ODAD2: variants seen among roughly 807,000 people sequenced by gnomAD.
ODAD2 encodes the protein outer dynein arm-docking complex subunit 2.
ODAD2 carries 89 observed loss-of-function variants against 106.8 expected under a neutral mutation model. The ratio of observed to expected loss-of-function variants is 0.83; its 90% CI spans 0.70 to 0.99. The LOEUF is 0.99. ODAD2 is among the 50% of genes least tolerant of loss of function. The pLI is 0.00. For synonymous variants in ODAD2, 404 were observed against 436.2 expected (o/e 0.93, Z 0.92); for missense variants, 1,168 against 1,238.5 (o/e 0.94, Z 0.85).
chr10:27,885,533 A>AAAAAAAAAATAT (rs1564465174), intron 17 of ODAD2, among the ~76,000 whole-genome samples: 1 of 14,620 alleles, frequency 6.8e-5, no homozygotes, highest in African/African-American at 2.8e-4. Context: ...AAAAAAAAAA[A>AAAAAAAAAATAT]ATATATATAT....
At chr10:27,935,292 T>A (rs749731316) in intron 15 of ODAD2, 40 bp from the exon 16 acceptor site, 3 of 1,605,978 alleles carry the variant, frequency 1.9e-6, no homozygotes, top group Non-Finnish European at 2.6e-6. Context: ...GGTTTTTGTA[T>A]AAGGTTTGCT....
intron 19 of ODAD2, among the ~76,000 whole-genome samples, chr10:27,834,687 G>C (rs1418292239): frequency 1.3e-5 from 2 of 152,190 alleles, no homozygotes; most frequent in Non-Finnish European, 2.9e-5. Context: ...GTTTTCAAAA[G>C]AGCAGTGACA....
intron 19 of ODAD2, among the ~76,000 whole-genome samples, chr10:27,849,415 G>T (rs1839071094): frequency 6.6e-6 from 1 of 151,640 alleles, no homozygotes; most frequent in Admixed American, 6.6e-5. Flanking sequence ...GGTGGGAGGA[G>T]GGGGAGGGAT....
intron 3 of ODAD2, among the ~76,000 whole-genome samples, chr10:27,985,431 A>G (rs1414997100): frequency 3.3e-5 from 5 of 152,232 alleles, no homozygotes; most frequent in Admixed American, 6.5e-5. Flanking sequence ...GTATTGTAAC[A>G]TCATCTATAT....
In ODAD2 at chr10:27,971,576, C is replaced by T. The variant is rs1337536782; in HGVS notation, c.937-263G>A. ...GGCTGGACCTGCTCATTCCTCACCA[C>T]CACCAAAAAATTCAACCAAAACCCT... On this transcript the variant is annotated intron_variant, in intron 7 of 19. Coordinates refer to ENST00000305242, the MANE Select transcript of ODAD2 (RefSeq NM_018076.5). Among the ~76,000 whole-genome samples the T allele has an allele frequency of 5.9e-5, 9 of 152,208 alleles. No individual in the cohort carries two copies. In the East Asian group the frequency reaches 1.5e-3, roughly 26 times the overall value.
At chr10:27,842,069 T>C (rs1838346136) in intron 19 of ODAD2, among the ~76,000 whole-genome samples, 1 of 152,210 alleles carries the variant, frequency 6.6e-6, no homozygotes, top group Admixed American at 6.5e-5. Flanking sequence ...TCTCCTTAGT[T>C]AAGATGCATC....
intron 7 of ODAD2, among the ~76,000 whole-genome samples, chr10:27,978,684 A>G (rs1286233340): frequency 6.6e-6 from 1 of 151,820 alleles, no homozygotes; most frequent in Admixed American, 6.6e-5. Flanking sequence ...CCCAGCTACT[A>G]TGGGGGCTGA....
chr10:27,874,865 G>GGTGT (rs1215183123), intron 17 of ODAD2, among the ~76,000 whole-genome samples: 1 of 152,024 alleles, frequency 6.6e-6, no homozygotes, highest in African/African-American at 2.4e-5. Flanking sequence ...GTATCTTTGT[G>GGTGT]GTGTTCTCTG....
intron 19 of ODAD2, among the ~76,000 whole-genome samples, chr10:27,815,418 A>G (rs891344166): frequency 6.6e-6 from 1 of 152,198 alleles, no homozygotes; most frequent in Non-Finnish European, 1.5e-5. Context: ...TCCTATCTCC[A>G]GTCTTAAATT....
rs1849540775 is a variant in ODAD2, at chr10:27,981,475, C to A, written c.927G>T (p.Met309Ile). ...AAACCATAAAACTTACCAATTTAGA[C>A]ATATTTTCTGAAAATTTTGGTGATT... is the stretch of plus-strand genomic sequence containing the variant. ...REKSPKFSEN[M>I]SKLGISFSED... The change falls in exon 7 of 20, where the codon ATG (methionine) becomes ATT (isoleucine). Residue 309 changes from methionine (M) to isoleucine (I), a missense_variant. This residue lies in a region of ODAD2 where 430 missense variants were observed against 452.2 expected (regional missense o/e 0.95). Coordinates refer to ENST00000305242, the MANE Select transcript of ODAD2 (RefSeq NM_018076.5). The A allele has an allele frequency of 1.3e-6, 2 of 1,509,348 alleles. No homozygotes were observed. The highest frequency in any genetic ancestry group is 1.8e-4 in the Middle Eastern group (1 of 5,582). The allele number at this position is 1,509,348 out of a possible 1,614,324, so 93.5% of individuals were successfully genotyped here. A position where few individuals can be genotyped will look rare whatever the true frequency, so the allele number is the denominator to read the frequency against.
At chr10:27,818,235 A>T (rs1836292466) in intron 19 of ODAD2, among the ~76,000 whole-genome samples, 1 of 151,946 alleles carries the variant, frequency 6.6e-6, no homozygotes, top group Non-Finnish European at 1.5e-5. Context: ...CGTTCCAACT[A>T]ATTTCTTGGT....
chr10:27,837,210 C>A (rs1038467720), intron 19 of ODAD2, among the ~76,000 whole-genome samples: 73 of 152,348 alleles, frequency 4.8e-4, no homozygotes, highest in African/African-American at 1.8e-3. Context: ...TGCCCTGTGA[C>A]CACATGGTCC....
In ODAD2 at chr10:27,971,141, C is replaced by T; in HGVS notation, c.1109G>A (p.Ser370Asn). Residue 370 changes from serine to asparagine, a missense_variant, in exon 8 of 20, where the codon AGC (serine) becomes AAC (asparagine). By Grantham distance (46) the Ser-to-Asn change is conservative (BLOSUM62 1). Transcript: ENST00000305242. ...ATTAACAGTGGTCTTCCAGTTTAAG[C>T]TTGGTTCCCATCTCTTGGTCATTTG... is the stretch of plus-strand genomic sequence containing the variant. Reference protein sequence around the residue: ...RNQMTKRWEPSLNWKTTVNYK... With the variant: ...RNQMTKRWEPNLNWKTTVNYK... The T allele has an allele frequency of 6.2e-7, 1 of 1,613,886 alleles. No individual in the cohort carries two copies. Among genetic ancestry groups the T allele is most frequent in the Non-Finnish European group, 8.5e-7 (1 of 1,179,862 alleles).
chr10:27,906,658 A>C (rs1420822729), intron 17 of ODAD2, among the ~76,000 whole-genome samples: 1 of 152,226 alleles, frequency 6.6e-6, no homozygotes, highest in African/African-American at 2.4e-5. Context: ...GGTGGCATTT[A>C]TACACCATGG....
At chr10:27,884,737 T>C (rs1589916496) in intron 17 of ODAD2, among the ~76,000 whole-genome samples, 2 of 152,074 alleles carry the variant, frequency 1.3e-5, no homozygotes, top group South Asian at 2.1e-4. Flanking sequence ...GAAGTACAAC[T>C]GAATGCCTAA....
At chr10:27,883,316 A>C (rs540427101) in intron 17 of ODAD2, among the ~76,000 whole-genome samples, 1 of 152,306 alleles carries the variant, frequency 6.6e-6, no homozygotes, top group South Asian at 2.1e-4. Flanking sequence ...GGAGTCATGC[A>C]TGACAAAAAA....
chr10:27,833,946 G>A (rs1437100125), intron 19 of ODAD2, among the ~76,000 whole-genome samples: 1 of 152,240 alleles, frequency 6.6e-6, no homozygotes, highest in Non-Finnish European at 1.5e-5. Context: ...AACATTCCAA[G>A]CCGAGAAAGG....
At chr10:27,909,583 G>A (rs1404652166) in intron 16 of ODAD2, among the ~76,000 whole-genome samples, 1 of 151,922 alleles carries the variant, frequency 6.6e-6, no homozygotes, top group African/African-American at 2.4e-5. Flanking sequence ...TTTGAGAGGC[G>A]AAGGCAGGCA....
intron 10 of ODAD2, among the ~76,000 whole-genome samples, chr10:27,960,330 T>G (rs1432985622): frequency 7.8e-6 from 1 of 127,804 alleles, no homozygotes; most frequent in Non-Finnish European, 1.7e-5. Context: ...ATTATTATTA[T>G]TATTATTATT....
Sources: allele counts gnomAD v4.1 joint callset (sites outside exome capture counted in the v4.1 genomes callset), GRCh38; gene constraint gnomAD v4.1.1; regional missense constraint gnomAD v4.1.1; transcripts MANE v1.5; gene names NCBI Gene and HGNC (gene_info 2026-07-23, HGNC 2026-07-21).